DLG2: variants seen among roughly 807,000 people sequenced by gnomAD.
DLG2 encodes disks large homolog 2.
In DLG2, 45 loss-of-function variants were observed where a neutral mutation model predicts 132.5. That is an observed-to-expected ratio of 0.34 (90% CI 0.27 to 0.44). DLG2 has a LOEUF of 0.44. Among genes scored for constraint, DLG2 ranks in the 20% least tolerant of loss-of-function variants. DLG2 has a pLI of 1.00. For missense variants in DLG2, 1,045 were observed against 1,196.9 expected, an observed-to-expected ratio of 0.87 and a Z score of 1.87; for synonymous variants, 424 against 419.6, an observed-to-expected ratio of 1.01 and a Z score of -0.13.
intron 19 of DLG2, chr11:83,631,896 A>C: frequency 6.6e-6 from 1 of 152,346 alleles, no homozygotes; most frequent in South Asian, 2.1e-4. Flanking sequence ...CAGCAATACA[A>C]CACAAGAGAG....
At chr11:85,295,658 C>A (rs969072436) in intron 3 of DLG2, among the ~76,000 whole-genome samples, 7 of 152,092 alleles carry the variant, frequency 4.6e-5, no homozygotes, top group African/African-American at 1.7e-4. Flanking sequence ...TAAATAATAT[C>A]AGTGCTAAAA....
At chr11:84,195,324 C>T (rs2096495675) in intron 8 of DLG2, among the ~76,000 whole-genome samples, 1 of 152,188 alleles carries the variant, frequency 6.6e-6, no homozygotes, top group Admixed American at 6.5e-5. Flanking sequence ...CCACCACGTC[C>T]AGGTAATTTT....
At chr11:85,155,895 C>T (rs962725926) in intron 4 of DLG2, among the ~76,000 whole-genome samples, 1 of 151,502 alleles carries the variant, frequency 6.6e-6, no homozygotes, top group Non-Finnish European at 1.5e-5. Context: ...CTTTAATGCA[C>T]GTTAATGAGG....
At chr11:83,701,518 A>G (rs2082936540) in intron 18 of DLG2, among the ~76,000 whole-genome samples, 1 of 152,192 alleles carries the variant, frequency 6.6e-6, no homozygotes, top group South Asian at 2.1e-4. Context: ...TTGAGGAAGA[A>G]TAAGACATAG....
Position 83,785,365 on chromosome 11 carries a change from A to C in DLG2, c.1825+1325T>G, listed in dbSNP as rs561441463. On this transcript the variant is annotated intron_variant, in intron 18 of 27. Transcript: ENST00000376104. ...CACCGCACACGGCCTATGATGGATA[A>C]TTTTTAAAGCATTTGTCCCTACTGA... Among the ~76,000 whole-genome samples, 289 of 152,172 alleles carry C rather than the reference A, an allele frequency of 1.9e-3. 1 individual carries two copies. The highest frequency in any genetic ancestry group is 6.7e-3 in the African/African-American group (278 of 41,550).
chr11:84,183,082 A>G (rs2096183699), intron 8 of DLG2, among the ~76,000 whole-genome samples: 1 of 152,220 alleles, frequency 6.6e-6, no homozygotes, highest in African/African-American at 2.4e-5. Context: ...TATTGAAGAA[A>G]TTGAATCAAT....
At chr11:84,928,910 A>C (rs1267796361) in intron 6 of DLG2, among the ~76,000 whole-genome samples, 1 of 144,848 alleles carries the variant, frequency 6.9e-6, no homozygotes, top group Non-Finnish European at 1.5e-5. Context: ...AATTGATATA[A>C]ATTTAACAAG....
At chr11:84,961,494 T>A (rs2052558613) in intron 6 of DLG2, among the ~76,000 whole-genome samples, 1 of 151,416 alleles carries the variant, frequency 6.6e-6, no homozygotes, top group South Asian at 2.1e-4. Flanking sequence ...CTATTGTCCC[T>A]ACCTCCAAGT....
chr11:84,702,623 G>A (rs2059327860), intron 6 of DLG2, among the ~76,000 whole-genome samples: 1 of 151,468 alleles, frequency 6.6e-6, no homozygotes, highest in Admixed American at 6.6e-5. Context: ...ACACCTTTAG[G>A]CATTCTTTGT....
chr11:85,206,896 T>G (rs1464199865), intron 4 of DLG2, among the ~76,000 whole-genome samples: 1 of 151,980 alleles, frequency 6.6e-6, no homozygotes, highest in East Asian at 1.9e-4. Flanking sequence ...ACATGTATTT[T>G]TTGTCACAAA....
chr11:85,016,667 C>T (rs951099565), intron 6 of DLG2, among the ~76,000 whole-genome samples: 2 of 152,158 alleles, frequency 1.3e-5, no homozygotes, highest in East Asian at 1.9e-4. Context: ...CACTCAGCTA[C>T]GCACTGTCCT....
At chr11:83,690,456 A>G (rs1358028638) in intron 18 of DLG2, among the ~76,000 whole-genome samples, 1 of 152,110 alleles carries the variant, frequency 6.6e-6, no homozygotes, top group East Asian at 1.9e-4. Flanking sequence ...ATGTTAAACA[A>G]CCTAAATGTA....
intron 19 of DLG2, among the ~76,000 whole-genome samples, chr11:83,585,461 C>T (rs1389456887): frequency 6.6e-6 from 1 of 152,198 alleles, no homozygotes; most frequent in Non-Finnish European, 1.5e-5. Context: ...GATTTTCCCC[C>T]TACACACCTC....
At chr11:85,328,643 C>T (rs1356629771) in intron 3 of DLG2, among the ~76,000 whole-genome samples, 27 of 144,610 alleles carry the variant, frequency 1.9e-4, no homozygotes, top group African/African-American at 6.7e-4. Flanking sequence ...TAAGAGCTAT[C>T]TATGACAAAC....
chr11:84,143,964 A>T (rs780360891), intron 9 of DLG2, among the ~76,000 whole-genome samples: 1 of 152,186 alleles, frequency 6.6e-6, no homozygotes, highest in Non-Finnish European at 1.5e-5. Flanking sequence ...GAAGAAGAGA[A>T]CAAGAGTGAG....
rs77335285 is a variant in DLG2 at position 83,526,926 on chromosome 11, C to G, written c.2193+5782G>C. On this transcript the variant is annotated intron_variant, in intron 21 of 27. Coordinates refer to ENST00000376104, the MANE Select transcript of DLG2 (RefSeq NM_001142699.3). ...CACTTCCTCCCTGTAGACACTCATT[C>G]TGTCCCCCAGAAGACCTGCTCCGTC... 4.5e-3 allele frequency among the ~76,000 whole-genome samples: 688 copies of G among 152,256 alleles called. 2 individuals are homozygous for G. The highest frequency in any genetic ancestry group is 0.015 in the African/African-American group (631 of 41,546).
At chr11:85,078,980 G>C (rs2066896576) in intron 6 of DLG2, among the ~76,000 whole-genome samples, 1 of 151,694 alleles carries the variant, frequency 6.6e-6, no homozygotes, top group Non-Finnish European at 1.5e-5. Context: ...CTCAGAACAT[G>C]CACCCAAGGT....
chr11:84,256,157 T>G (rs2097466458), intron 7 of DLG2, among the ~76,000 whole-genome samples: 1 of 151,910 alleles, frequency 6.6e-6, no homozygotes. Context: ...TCCAAGAGAC[T>G]CTAAATAAAA....
intron 3 of DLG2, among the ~76,000 whole-genome samples, chr11:85,575,962 T>A (rs1489774124): frequency 2.0e-5 from 3 of 152,164 alleles, no homozygotes; most frequent in Non-Finnish European, 4.4e-5. Context: ...AGCAAATTAA[T>A]GAAAAGCTTA....
Sources: allele counts gnomAD v4.1 joint callset (sites outside exome capture counted in the v4.1 genomes callset), GRCh38; gene constraint gnomAD v4.1.1; transcripts MANE v1.5; gene names NCBI Gene and HGNC (gene_info 2026-07-23, HGNC 2026-07-21).